Variants in CSMD1 observed in about 807,000 individuals in gnomAD.
The protein encoded by CSMD1 is CUB and Sushi multiple domains 1.
CSMD1 carries 213 observed loss-of-function variants against 417.5 expected under a neutral mutation model. That is an observed-to-expected ratio of 0.51 (90% CI 0.46 to 0.57). The LOEUF is 0.57. CSMD1 is among the 20% of genes least tolerant of loss of function. The probability of loss-of-function intolerance (pLI) is 0.00; values close to 1 mark genes in which losing one functional copy is unlikely to be tolerated. For synonymous variants in CSMD1, 2,862 were observed against 1,736.8 expected, an observed-to-expected ratio of 1.65 and a Z score of -16.11; for missense variants, 6,923 against 4,529.7, an observed-to-expected ratio of 1.53 and a Z score of -15.17.
At chr8:3,901,042 T>C (rs1807716069) in intron 5 of CSMD1, among the ~76,000 whole-genome samples, 1 of 152,206 alleles carries the variant, frequency 6.6e-6, no homozygotes, top group Admixed American at 6.5e-5. Flanking sequence ...GGTAATAAGA[T>C]GGCTTTTAAT....
At chr8:4,369,596 G>A (rs73175774) in intron 3 of CSMD1, among the ~76,000 whole-genome samples, 37,766 of 152,048 alleles carry the variant, frequency 0.25, 4,967 homozygotes, top group East Asian at 0.36. Context: ...AGATCTCTAT[G>A]AACTTGTTTT....
chr8:4,501,211 T>A (rs1277351231), intron 2 of CSMD1, among the ~76,000 whole-genome samples: 1 of 152,160 alleles, frequency 6.6e-6, no homozygotes, highest in Non-Finnish European at 1.5e-5. Context: ...TATATTAATA[T>A]CCTCTATAAC....
At chr8:3,974,533 T>C (rs1177775364) in intron 5 of CSMD1, among the ~76,000 whole-genome samples, 1 of 152,064 alleles carries the variant, frequency 6.6e-6, no homozygotes, top group Non-Finnish European at 1.5e-5. Flanking sequence ...AGTAGTTGTT[T>C]AGTTGTCTCA....
chr8:4,100,299 C>G (rs1253596816), intron 3 of CSMD1, among the ~76,000 whole-genome samples: 1 of 152,138 alleles, frequency 6.6e-6, no homozygotes, highest in Non-Finnish European at 1.5e-5. Flanking sequence ...TTATTAGTAT[C>G]TTTTACCAAA....
At chr8:3,527,801 G>C (rs779121658) in intron 10 of CSMD1, among the ~76,000 whole-genome samples, 1 of 152,150 alleles carries the variant, frequency 6.6e-6, no homozygotes, top group South Asian at 2.1e-4. Context: ...TCAAAATAAA[G>C]TTACAAAACA....
chr8:3,683,454 G>C (rs1402489687), intron 7 of CSMD1, among the ~76,000 whole-genome samples: 2 of 152,122 alleles, frequency 1.3e-5, no homozygotes, highest in South Asian at 2.1e-4. Flanking sequence ...TTCAGAATTA[G>C]AATCCTCCAT....
chr8:4,463,129 A>G (rs960115885), intron 2 of CSMD1, among the ~76,000 whole-genome samples: 1 of 152,332 alleles, frequency 6.6e-6, no homozygotes, highest in South Asian at 2.1e-4. Context: ...GGGCACAATA[A>G]TCGAATAGAC....
rs1801715689 is a variant in CSMD1 at position 4,109,010 on chromosome 8, C to T, written c.416-76911G>A. 2.0e-5 allele frequency among the ~76,000 whole-genome samples: 3 copies of T among 152,160 alleles called. 1 individual carries two copies. Among genetic ancestry groups the T allele is most frequent in the Non-Finnish European group, 4.4e-5 (3 of 68,022 alleles). ...TATCTGGAAAGGATTGGTTTCAGGACCTCCATGGATACAAATATCTACAGA... is the reference window on the plus strand; with the variant it reads ...TATCTGGAAAGGATTGGTTTCAGGATCTCCATGGATACAAATATCTACAGA... On this transcript the variant is annotated intron_variant, in intron 3 of 69. Coordinates refer to ENST00000635120, the MANE Select transcript of CSMD1 (RefSeq NM_033225.6).
chr8:4,936,877 T>C (rs893238587), intron 1 of CSMD1, among the ~76,000 whole-genome samples: 1 of 152,238 alleles, frequency 6.6e-6, no homozygotes, highest in African/African-American at 2.4e-5. Context: ...AGGTTTTTTG[T>C]TCAAATTATT....
intron 2 of CSMD1, among the ~76,000 whole-genome samples, chr8:4,589,115 G>T (rs1015707979): frequency 6.6e-6 from 1 of 151,926 alleles, no homozygotes; most frequent in African/African-American, 2.4e-5. Flanking sequence ...ATTTGTAAAT[G>T]TTTCAAAAAG....
At chr8:4,519,683 C>G (rs896328899) in intron 2 of CSMD1, among the ~76,000 whole-genome samples, 1 of 127,142 alleles carries the variant, frequency 7.9e-6, no homozygotes, top group East Asian at 2.6e-4. Context: ...GCAGAGGTTA[C>G]AGTGAGCTGC....
At chr8:3,837,335 T>A (rs1048278651) in intron 5 of CSMD1, among the ~76,000 whole-genome samples, 1 of 152,134 alleles carries the variant, frequency 6.6e-6, no homozygotes, top group Non-Finnish European at 1.5e-5. Context: ...CATTTCTACA[T>A]CAGAGCCCCA....
chr8:3,350,212 ACC>A (rs1808325176), intron 21 of CSMD1, among the ~76,000 whole-genome samples: 1 of 132,370 alleles, frequency 7.6e-6, no homozygotes, highest in African/African-American at 2.7e-5. Flanking sequence ...GTGTTATAAT[ACC>A]TATAATAACC....
At chr8:3,444,582 T>C (rs1406340596) in intron 12 of CSMD1, among the ~76,000 whole-genome samples, 1 of 152,150 alleles carries the variant, frequency 6.6e-6, no homozygotes, top group African/African-American at 2.4e-5. Context: ...TGGTATCTGG[T>C]GGGTCAAGGC....
At chr8:3,306,829 ACTTTAAAAATATTACAGAGCTT>A in intron 25 of CSMD1, among the ~76,000 whole-genome samples, 1 of 27,870 alleles carries the variant, frequency 3.6e-5, no homozygotes, top group African/African-American at 1.4e-4. Context: ...CCAAGAGCTT[ACTTTAAAAATATTACAGAGCTT>A]ACTTTAAAAA....
intron 3 of CSMD1, among the ~76,000 whole-genome samples, chr8:4,392,029 T>A (rs554414443): frequency 1.3e-5 from 2 of 152,224 alleles, no homozygotes; most frequent in East Asian, 3.9e-4. Flanking sequence ...GGTAAGTGAG[T>A]CCCAGGGTTT....
At chr8:4,371,697 T>A (rs780895670) in intron 3 of CSMD1, among the ~76,000 whole-genome samples, 127 of 152,366 alleles carry the variant, frequency 8.3e-4, no homozygotes, top group Non-Finnish European at 6.5e-4. Flanking sequence ...GTTAGCTATA[T>A]AATCATTACT....
rs558745652 is a variant in CSMD1, at chr8:3,327,690, T to A, written c.3631+15604A>T. On this transcript the variant is annotated intron_variant, in intron 23 of 69. Coordinates refer to ENST00000635120, the MANE Select transcript of CSMD1 (RefSeq NM_033225.6). ...GAATAGAACCGAAGAAATGAGCACA[T>A]ACAGATTACTTTTAGATAAGGAAGT... Among the ~76,000 whole-genome samples the A allele has an allele frequency of 5.3e-5, 8 of 152,308 alleles. 1 individual carries two copies. The South Asian group carries it at 1.7e-3, about 32-fold the overall frequency.
chr8:3,692,340 C>A (rs1800294852), intron 7 of CSMD1, among the ~76,000 whole-genome samples: 1 of 152,184 alleles, frequency 6.6e-6, no homozygotes, highest in African/African-American at 2.4e-5. Context: ...AGAAGAGACT[C>A]AGAGAAACAG....
Sources: gnomAD v4.1 joint callset for allele counts (sites outside exome capture counted in the v4.1 genomes callset) on GRCh38, gnomAD v4.1.1 for gene constraint, MANE v1.5 for transcripts, NCBI Gene and HGNC (gene_info 2026-07-23, HGNC 2026-07-21) for gene names.